PCDH15: variants seen among roughly 807,000 people sequenced by gnomAD.
The protein encoded by PCDH15 is protocadherin related 15, also known as protocadherin-15.
Under a neutral mutation model 178.5 loss-of-function variants are expected in PCDH15, and 129 were observed. The ratio of observed to expected loss-of-function variants is 0.72; its 90% CI spans 0.63 to 0.84. The LOEUF is 0.84. Among genes scored for constraint, PCDH15 ranks in the 40% least tolerant of loss-of-function variants. The probability of loss-of-function intolerance (pLI) is 0.00; values close to 1 mark genes in which losing one functional copy is unlikely to be tolerated. For missense variants in PCDH15, 2,230 were observed against 2,099.9 expected (o/e 1.06, Z -1.21); for synonymous variants, 800 against 732.0 (o/e 1.09, Z -1.50).
At chr10:54,906,783 T>C (rs1277729256) in intron 2 of PCDH15, among the ~76,000 whole-genome samples, 5 of 152,152 alleles carry the variant, frequency 3.3e-5, no homozygotes, top group African/African-American at 9.6e-5. Flanking sequence ...ATGTTGAATA[T>C]TGTTATCAGA....
intron 8 of PCDH15, among the ~76,000 whole-genome samples, chr10:54,245,261 C>T (rs2055806868): frequency 6.6e-6 from 1 of 152,106 alleles, no homozygotes; most frequent in Admixed American, 6.6e-5. Flanking sequence ...AAAGAACATA[C>T]ATTTTTAATT....
rs78396783 is a variant in PCDH15 at position 54,243,746 on chromosome 10, C to T, written c.877-6815G>A. On this transcript the variant is annotated intron_variant, in intron 8 of 37. Transcript: ENST00000644397. ...TCTGTTTTCACTTTGCTTAGTTTTG[C>T]TTTTTTCAAGGGTCAGAAATATCAG... 3.4e-3 allele frequency among the ~76,000 whole-genome samples: 514 copies of T among 152,060 alleles called. 1 individual carries two copies. Among genetic ancestry groups the T allele is most frequent in the African/African-American group, 0.012 (491 of 41,512 alleles).
rs377433762 is a variant in PCDH15 at position 55,505,025 on chromosome 10, T to A, written c.-156+122600A>T. Among the ~76,000 whole-genome samples, 43 of 151,574 alleles carry A rather than the reference T, an allele frequency of 2.8e-4. No homozygotes were observed. The South Asian group carries it at 8.9e-3, about 31-fold the overall frequency. ...TGTCATAAGAGCTAATTTCAGGGCT[T>A]TACAATGTTCTGACTTGCATTGGAA... On this transcript the variant is annotated intron_variant, in intron 2 of 5. Transcript: ENST00000613346.
intron 2 of PCDH15, among the ~76,000 whole-genome samples, chr10:55,554,202 G>T (rs934809717): frequency 6.6e-6 from 1 of 151,996 alleles, no homozygotes; most frequent in African/African-American, 2.4e-5. Flanking sequence ...TGCCACATTT[G>T]CATTAGGAAG....
intron 3 of PCDH15, among the ~76,000 whole-genome samples, chr10:54,839,886 A>G (rs1357192255): frequency 1.3e-5 from 2 of 152,042 alleles, no homozygotes; most frequent in African/African-American, 4.8e-5. Flanking sequence ...GAAAAAAAAA[A>G]TCTTGCCAAC....
intron 2 of PCDH15, among the ~76,000 whole-genome samples, chr10:54,646,222 A>G (rs1391732335): frequency 6.6e-6 from 1 of 152,134 alleles, no homozygotes; most frequent in African/African-American, 2.4e-5. Context: ...CCACTTTCGC[A>G]GTATAAATAA....
At chr10:54,109,151 A>G (rs1322596809) in intron 15 of PCDH15, among the ~76,000 whole-genome samples, 1 of 152,120 alleles carries the variant, frequency 6.6e-6, no homozygotes, top group African/African-American at 2.4e-5. Flanking sequence ...GTAAATCAGT[A>G]CAACTACTAT....
In PCDH15 at chr10:53,831,399, G is replaced by A. The variant is rs756490783; in HGVS notation, c.4118C>T (p.Thr1373Ile). Residue 1373 changes from threonine (T) to isoleucine (I), a missense_variant, in exon 30 of 38, where the codon ACA becomes ATA. Transcript: ENST00000644397. Reference protein sequence around the residue: ...IKKRGESLGYTEGALLALAFI... With the variant: ...IKKRGESLGYIEGALLALAFI... ...GGCCAGAGCCAACAAGGCCCCTTCTGTGTATCCTAGACTTTCTCCTCTCTT... is the reference window on the plus strand; with the variant it reads ...GGCCAGAGCCAACAAGGCCCCTTCTATGTATCCTAGACTTTCTCCTCTCTT... 3 of 1,614,094 alleles carry A rather than the reference G, an allele frequency of 1.9e-6. No individual in the cohort carries two copies. Among genetic ancestry groups the A allele is most frequent in the East Asian group, 4.5e-5 (2 of 44,860 alleles).
chr10:55,283,509 C>T lies in PCDH15; in HGVS notation c.-156+36090G>A, dbSNP rs138314530. Among the ~76,000 whole-genome samples, 607 of 151,826 alleles carry T rather than the reference C, an allele frequency of 4.0e-3. 7 individuals carry two copies. Among genetic ancestry groups the T allele is most frequent in the African/African-American group, 0.014 (576 of 41,370 alleles). ...TGATAAATTGGCTCTGTCAAGGCAG[C>T]GGGCAAGGAAAACCCACTGGGCAGT... On this transcript the variant is annotated intron_variant, in intron 1 of 5. Transcript: ENST00000458638.
At chr10:54,671,352 TCC>T (rs2094666780) in intron 1 of PCDH15, among the ~76,000 whole-genome samples, 1 of 151,972 alleles carries the variant, frequency 6.6e-6, no homozygotes, top group Non-Finnish European at 1.5e-5. Flanking sequence ...CTAAGGCAAA[TCC>T]ATCAGCAAAA....
chr10:54,160,187 C>A (rs1010303173), intron 13 of PCDH15, among the ~76,000 whole-genome samples: 1 of 152,086 alleles, frequency 6.6e-6, no homozygotes, highest in Non-Finnish European at 1.5e-5. Context: ...ATGCCCCCCC[C>A]AACAAGCTGG....
At chr10:54,005,498 G>T (rs1435478233) in intron 20 of PCDH15, among the ~76,000 whole-genome samples, 1 of 152,006 alleles carries the variant, frequency 6.6e-6, no homozygotes, top group East Asian at 1.9e-4. Flanking sequence ...ATGGGCAAAA[G>T]TTCTAAACAA....
chr10:54,801,362 T>A (rs979820192), upstream of PCDH15: 2 of 152,182 alleles, frequency 1.3e-5, no homozygotes, highest in Non-Finnish European at 2.9e-5. Context: ...GACAGCTGAG[T>A]GCGCTAAACC....
At chr10:55,368,235 G>A (rs971837880) in intron 2 of PCDH15, among the ~76,000 whole-genome samples, 2 of 152,092 alleles carry the variant, frequency 1.3e-5, no homozygotes, top group South Asian at 4.2e-4. Context: ...ACAATGGCAA[G>A]GAACCAATTT....
chr10:54,715,927 T>G (rs1019655132), intron 1 of PCDH15, among the ~76,000 whole-genome samples: 2 of 152,128 alleles, frequency 1.3e-5, no homozygotes, highest in Non-Finnish European at 2.9e-5. Context: ...TGTGGTACAT[T>G]GGTGCTCTCT....
intron 21 of PCDH15, among the ~76,000 whole-genome samples, chr10:53,970,718 A>G (rs935249741): frequency 6.6e-6 from 1 of 152,000 alleles, no homozygotes; most frequent in Non-Finnish European, 1.5e-5. Context: ...GGACACATAC[A>G]CCCTCCCAAG....
At chr10:54,782,463 T>C (rs1950464053) in intron 1 of PCDH15, among the ~76,000 whole-genome samples, 1 of 152,152 alleles carries the variant, frequency 6.6e-6, no homozygotes, top group Admixed American at 6.6e-5. Context: ...CAATTTTATG[T>C]GTCAAGTAAT....
At chr10:54,351,083 CGA>C (rs950292667) in intron 5 of PCDH15, among the ~76,000 whole-genome samples, 9 of 149,222 alleles carry the variant, frequency 6.0e-5, no homozygotes, top group Non-Finnish European at 1.5e-5. Flanking sequence ...CAGCCTGGGG[CGA>C]GAACAAGACT....
intron 2 of PCDH15, among the ~76,000 whole-genome samples, chr10:54,927,820 T>TGTGGGTATCACTGCATAAGAG (rs1233852835): frequency 1.5e-4 from 23 of 152,234 alleles, no homozygotes; most frequent in African/African-American, 5.5e-4. Flanking sequence ...ACTTTGAGCC[T>TGTGGGTATCACTGCATAAGAG]GTGGGTATCA....
Sources: gnomAD v4.1 joint callset for allele counts (sites outside exome capture counted in the v4.1 genomes callset) on GRCh38, gnomAD v4.1.1 for gene constraint, MANE v1.5 for transcripts, NCBI Gene and HGNC (gene_info 2026-07-23, HGNC 2026-07-21) for gene names.